The following NCK1 variants were observed in gnomAD, a reference collection of about 807,000 sequenced individuals.
The protein encoded by NCK1 is NCK adaptor protein 1.
In NCK1, 19 loss-of-function variants were observed where a neutral mutation model predicts 36.6. That is an observed-to-expected ratio of 0.52 (90% confidence interval 0.36 to 0.76). The LOEUF is 0.76. Ranked by LOEUF, NCK1 falls within the 30% of genes least tolerant of loss-of-function variation. NCK1 has a pLI of 0.00. For missense variants in NCK1, 358 were observed against 445.6 expected (o/e 0.80, Z 1.77); for synonymous variants, 165 against 156.0 (o/e 1.06, Z -0.43).
chr3:136,922,960 C>T (rs919732084), intron 1 of NCK1, among the ~76,000 whole-genome samples: 1 of 152,150 alleles, frequency 6.6e-6, no homozygotes, highest in African/African-American at 2.4e-5. Context: ...GTGCTACTTA[C>T]ATAATGATGA....
At chr3:136,864,026 G>A (rs1938334869) in intron 1 of NCK1, among the ~76,000 whole-genome samples, 2 of 152,038 alleles carry the variant, frequency 1.3e-5, no homozygotes, top group Non-Finnish European at 2.9e-5. Context: ...GCGTGAACCC[G>A]GGAGGCGGAG....
intron 2 of NCK1, among the ~76,000 whole-genome samples, chr3:136,941,637 C>A (rs912108372): frequency 1.3e-5 from 2 of 151,998 alleles, no homozygotes; most frequent in South Asian, 2.1e-4. Context: ...AAAATATATG[C>A]CCATTAACCT....
At chr3:136,914,445 A>G (rs1483812392) in intron 1 of NCK1, among the ~76,000 whole-genome samples, 3 of 152,228 alleles carry the variant, frequency 2.0e-5, no homozygotes, top group Non-Finnish European at 4.4e-5. Context: ...ATTGTTGTCT[A>G]GGTGGAGAGA....
At chr3:136,938,122 G>C (rs1225046928) in intron 2 of NCK1, among the ~76,000 whole-genome samples, 2 of 151,954 alleles carry the variant, frequency 1.3e-5, no homozygotes, top group Non-Finnish European at 2.9e-5. Context: ...AAACGGTTTT[G>C]GATTTTGTCC....
chr3:136,927,158 G>A (rs559204198), intron 1 of NCK1, among the ~76,000 whole-genome samples: 1 of 152,258 alleles, frequency 6.6e-6, no homozygotes, highest in South Asian at 2.1e-4. Flanking sequence ...TTTTAGTAGA[G>A]ATGGGGTTTC....
intron 2 of NCK1, among the ~76,000 whole-genome samples, chr3:136,944,567 G>A (rs867019005): frequency 1.3e-5 from 2 of 152,208 alleles, no homozygotes; most frequent in Non-Finnish European, 2.9e-5. Context: ...AAAGATATGA[G>A]TGTGTTTTTA....
At chr3:136,926,015 A>G (rs1297327787) in intron 1 of NCK1, among the ~76,000 whole-genome samples, 1 of 152,162 alleles carries the variant, frequency 6.6e-6, no homozygotes, top group Admixed American at 6.5e-5. Flanking sequence ...ACTCTTAGCC[A>G]TTCTGACAAG....
rs1223798209 is a variant in NCK1 at position 136,867,129 on chromosome 3, T to TTTCC, written c.-19+4824_-19+4827dup. 9.8e-5 allele frequency among the ~76,000 whole-genome samples: 3 copies of TTTCC among 30,626 alleles called. 1 individual carries two copies. Among genetic ancestry groups the TTTCC allele is most frequent in the African/African-American group, 3.4e-4 (3 of 8,812 alleles). 20.1% of individuals were successfully genotyped at this position (30,626 alleles called of 152,430 possible). A position where few individuals can be genotyped will look rare whatever the true frequency, so the allele number is the denominator to read the frequency against. ...CTTTCTTTCTTTCTTTGTTTCTTTCTTTCCTTCCTTCCTTCCTTCCTTCCT... is the reference window on the plus strand; with the variant it reads ...CTTTCTTTCTTTCTTTGTTTCTTTCTTTCCTTCCTTCCTTCCTTCCTTCCTTCCT... On this transcript the variant is annotated intron_variant, in intron 1 of 3. Transcript: ENST00000481752.
chr3:136,945,716 G>A lies in NCK1; in HGVS notation c.360G>A (p.Glu120=), dbSNP rs1460722681. ...ATGTGAAATTTAACTACATGGCTGA[G>A]AGAGAGGATGAATTATCATTGATAA... ...PAYVKFNYMA[E]REDELSLIKG... The change falls in exon 3 of 4, where the codon GAG becomes GAA. Residue 120 remains glutamate, a synonymous_variant. Coordinates refer to ENST00000481752, the MANE Select transcript of NCK1 (RefSeq NM_001291999.2). 6.2e-7 allele frequency: 1 copy of A among 1,614,058 alleles called. No homozygotes were observed. Among genetic ancestry groups the A allele is most frequent in the Non-Finnish European group, 8.5e-7 (1 of 1,180,030 alleles).
intron 1 of NCK1, among the ~76,000 whole-genome samples, chr3:136,891,807 C>CT (rs1359353860): frequency 6.6e-6 from 1 of 152,174 alleles, no homozygotes; most frequent in Non-Finnish European, 1.5e-5. Context: ...ATATGATCAT[C>CT]TTTTCATGTG....
intron 1 of NCK1, among the ~76,000 whole-genome samples, chr3:136,882,591 T>TC (rs1938972977): frequency 8.3e-6 from 1 of 120,206 alleles, no homozygotes; most frequent in Admixed American, 8.1e-5. Context: ...GTGTGTGTGT[T>TC]GAGGGGCACC....
intron 1 of NCK1, among the ~76,000 whole-genome samples, chr3:136,926,409 G>A (rs1047548735): frequency 6.6e-6 from 1 of 151,844 alleles, no homozygotes; most frequent in Non-Finnish European, 1.5e-5. Flanking sequence ...CAAGTAGCTG[G>A]GACTACAGGC....
intron 1 of NCK1, among the ~76,000 whole-genome samples, chr3:136,881,509 G>C (rs1240713274): frequency 6.6e-6 from 1 of 152,090 alleles, no homozygotes; most frequent in Non-Finnish European, 1.5e-5. Context: ...GAGCCACCAC[G>C]CCCAGCTTCT....
chr3:136,940,637 C>G (rs1160049922), intron 2 of NCK1, among the ~76,000 whole-genome samples: 1 of 152,040 alleles, frequency 6.6e-6, no homozygotes, highest in African/African-American at 2.4e-5. Flanking sequence ...CTCCGCCTCC[C>G]AGGTTCAAGC....
intron 1 of NCK1, among the ~76,000 whole-genome samples, chr3:136,874,711 GT>G (rs1309827914): frequency 6.6e-6 from 1 of 151,898 alleles, no homozygotes; most frequent in African/African-American, 2.4e-5. Flanking sequence ...ATCATATAGT[GT>G]TTTTGTTTGT....
chr3:136,883,903 T>C (rs1418897514), intron 1 of NCK1, among the ~76,000 whole-genome samples: 1 of 152,174 alleles, frequency 6.6e-6, no homozygotes, highest in East Asian at 1.9e-4. Flanking sequence ...AGATAATGAT[T>C]TACAATTATA....
chr3:136,895,930 G>A (rs925722552), intron 1 of NCK1, among the ~76,000 whole-genome samples: 42 of 152,072 alleles, frequency 2.8e-4, no homozygotes, highest in African/African-American at 8.9e-4. Context: ...TTTTAATTAT[G>A]ATATATCTGG....
intron 1 of NCK1, among the ~76,000 whole-genome samples, chr3:136,880,369 C>T (rs763455231): frequency 6.6e-6 from 1 of 151,930 alleles, no homozygotes; most frequent in Non-Finnish European, 1.5e-5. Context: ...TAGGGTGGAC[C>T]CTAATCCACC....
At chr3:136,904,024 C>T (rs1939615925) in intron 1 of NCK1, among the ~76,000 whole-genome samples, 1 of 152,158 alleles carries the variant, frequency 6.6e-6, no homozygotes, top group Admixed American at 6.5e-5. Context: ...CTTCTAGGGC[C>T]AGTCTAGTGG....
Sources: gnomAD v4.1 joint callset for allele counts (sites outside exome capture counted in the v4.1 genomes callset) on GRCh38, gnomAD v4.1.1 for gene constraint, MANE v1.5 for transcripts, NCBI Gene and HGNC (gene_info 2026-07-23, HGNC 2026-07-21) for gene names.